The following KDM4B variants were observed in gnomAD, a reference collection of about 807,000 sequenced individuals.
The protein encoded by KDM4B is lysine demethylase 4B, also known as lysine-specific demethylase 4B.
KDM4B carries 32 observed loss-of-function variants against 125.2 expected under a neutral mutation model. That is an observed-to-expected ratio of 0.26 (90% CI 0.19 to 0.34). The LOEUF is 0.34. Ranked by LOEUF, KDM4B falls within the 10% of genes least tolerant of loss-of-function variation. The probability of loss-of-function intolerance (pLI) is 1.00; values close to 1 mark genes in which losing one functional copy is unlikely to be tolerated. For synonymous variants in KDM4B, 721 were observed against 677.9 expected (o/e 1.06, Z -0.99); for missense variants, 1,190 against 1,577.7 (o/e 0.75, Z 4.16).
At chr19:5,061,051 G>T (rs1447605514) in intron 6 of KDM4B, among the ~76,000 whole-genome samples, 4 of 152,212 alleles carry the variant, frequency 2.6e-5, no homozygotes, top group Non-Finnish European at 5.9e-5. Context: ...CGGATCCTCA[G>T]GGTGCTGACC....
chr19:4,976,242 T>A, intron 1 of KDM4B, among the ~76,000 whole-genome samples: 1 of 117,018 alleles, frequency 8.5e-6, no homozygotes. Context: ...AGAGGGAAAC[T>A]CAGTCTCAAA....
At chr19:5,014,994 CAA>C (rs772116720) in intron 1 of KDM4B, among the ~76,000 whole-genome samples, 11 of 103,370 alleles carry the variant, frequency 1.1e-4, no homozygotes, top group Non-Finnish European at 8.2e-5. Context: ...GAGTCCGTCT[CAA>C]AAAAAAAAAA....
At chr19:5,090,149 C>T (rs1053487976) in intron 9 of KDM4B, among the ~76,000 whole-genome samples, 18 of 152,188 alleles carry the variant, frequency 1.2e-4, no homozygotes, top group South Asian at 4.1e-4. Context: ...CATTGCTGAG[C>T]GCCTGCCGTG....
At chr19:5,069,660 C>G (rs1436361188) in intron 6 of KDM4B, among the ~76,000 whole-genome samples, 1 of 152,146 alleles carries the variant, frequency 6.6e-6, no homozygotes, top group East Asian at 1.9e-4. Flanking sequence ...CTCGCCCAGG[C>G]TGGAGTGCAG....
chr19:5,150,964 CTCTT>C (rs1431352076), intron 22 of KDM4B, among the ~76,000 whole-genome samples: 1 of 152,232 alleles, frequency 6.6e-6, no homozygotes, highest in Non-Finnish European at 1.5e-5. Flanking sequence ...TTCCTTTATT[CTCTT>C]TCTAATCGAG....
chr19:4,976,585 T>G lies in KDM4B; in HGVS notation c.-109+7355T>G, dbSNP rs188799903. On this transcript the variant is annotated intron_variant, in intron 1 of 22. Transcript: ENST00000159111. The stretch of plus-strand genomic sequence containing the variant: ...TGCACAATTTCACAAGGCTTTTGTT[T>G]TGTAAGCATCGGAACTCTCCTCGTT... 2.0e-5 allele frequency among the ~76,000 whole-genome samples: 3 copies of G among 152,372 alleles called. No individual in the cohort carries two copies. In the East Asian group the frequency reaches 5.8e-4, roughly 29 times the overall value.
At chr19:5,047,744 C>A in intron 6 of KDM4B, 75 bp downstream of exon 6, 2 of 1,474,496 alleles carry the variant, frequency 1.4e-6, no homozygotes, top group Non-Finnish European at 9.3e-7. Context: ...GGGTACACGG[C>A]TGGGCGCCGT....
At chr19:5,059,587 G>A (rs763336025) in intron 6 of KDM4B, among the ~76,000 whole-genome samples, 11 of 152,212 alleles carry the variant, frequency 7.2e-5, no homozygotes, top group Admixed American at 3.9e-4. Context: ...GAACAGGAGC[G>A]CGTAGCCTCA....
At chr19:5,037,963 C>T (rs2036682977) in intron 3 of KDM4B, among the ~76,000 whole-genome samples, 1 of 152,268 alleles carries the variant, frequency 6.6e-6, no homozygotes, top group South Asian at 2.1e-4. Context: ...CCAAGCAAAA[C>T]AGTTTCTTCA....
At chr19:5,119,578 G>A (rs748574788) in intron 10 of KDM4B, 75 bp from the exon 11 acceptor site, 2 of 1,406,384 alleles carry the variant, frequency 1.4e-6, no homozygotes, top group Non-Finnish European at 2.0e-6. Flanking sequence ...GCTGCGTGCT[G>A]CCGGACAGAG....
rs2039322635 is a variant in KDM4B at position 5,119,591 on chromosome 19, C to T, written c.1116-62C>T. 2.1e-6 allele frequency: 3 copies of T among 1,463,094 alleles called. No homozygotes were observed. The Admixed American group carries it at 5.9e-5, about 29-fold the overall frequency. 90.6% of individuals were successfully genotyped at this position (1,463,094 alleles called of 1,614,324 possible). On this transcript the variant is annotated intron_variant, in intron 10 of 22. Transcript: ENST00000159111. ...GGGCTGCGTGCTGCCGGACAGAGTG[C>T]ACAGACCTAGGGCTCTTCCCTCCCT...
chr19:5,082,594 C>G lies in KDM4B; in HGVS notation c.918+90C>G. Reference sequence around the variant, plus strand: ...AGCCACACGCCCATAGCTGGTCCAGCAGCCGTTTCGCTCAGCCCAGGGCCT... The same window carrying G: ...AGCCACACGCCCATAGCTGGTCCAGGAGCCGTTTCGCTCAGCCCAGGGCCT... On this transcript the variant is annotated intron_variant, in intron 9 of 22. Transcript: ENST00000159111. This position sits in a 1 kb window ranked among gnomAD's most constrained non-coding sequence, Gnocchi z 5.4. 1.4e-6 allele frequency: 2 copies of G among 1,417,900 alleles called. No homozygotes were observed. The highest frequency in any genetic ancestry group is 1.9e-6 in the Non-Finnish European group (2 of 1,061,840). 87.8% of individuals were successfully genotyped at this position (1,417,900 alleles called of 1,614,324 possible).
intron 2 of KDM4B, among the ~76,000 whole-genome samples, chr19:5,030,707 C>T (rs2036424235): frequency 2.6e-5 from 4 of 152,218 alleles, no homozygotes; most frequent in Non-Finnish European, 5.9e-5. Flanking sequence ...CAGCTGTGTG[C>T]CGTGTGGCCT....
intron 2 of KDM4B, among the ~76,000 whole-genome samples, chr19:5,028,744 G>A (rs181012196): frequency 9.8e-5 from 15 of 152,290 alleles, no homozygotes; most frequent in African/African-American, 3.1e-4. Flanking sequence ...CAGTGTCACC[G>A]TCTGTCATTC....
At chr19:5,098,222 G>T (rs960711612) in intron 9 of KDM4B, among the ~76,000 whole-genome samples, 1 of 152,140 alleles carries the variant, frequency 6.6e-6, no homozygotes, top group Non-Finnish European at 1.5e-5. Flanking sequence ...TCTGGGGAGC[G>T]GATTTCTTTT....
At position 5,142,226 on chromosome 19, in the gene KDM4B, A is replaced by G. The variant is rs985725264; in HGVS notation, c.2551-1741A>G. Among the ~76,000 whole-genome samples, 2 of 151,786 alleles carry G rather than the reference A, an allele frequency of 1.3e-5. No individual in the cohort carries two copies. The highest frequency in any genetic ancestry group is 4.8e-5 in the African/African-American group (2 of 41,326). ...GTGCCTGGGCCCTTCCAGGCCCCCC[A>G]CGGGCCGTAGACCCTGACTCCCCGG... is the stretch of plus-strand genomic sequence containing the variant. On this transcript the variant is annotated intron_variant, in intron 18 of 22. Coordinates refer to ENST00000159111, the MANE Select transcript of KDM4B (RefSeq NM_015015.3). The surrounding 1 kb of genome is among the most constrained non-coding windows in gnomAD (Gnocchi z 5.4).
At chr19:5,089,962 G>A (rs1317658596) in intron 9 of KDM4B, among the ~76,000 whole-genome samples, 1 of 152,170 alleles carries the variant, frequency 6.6e-6, no homozygotes, top group Non-Finnish European at 1.5e-5. Flanking sequence ...TGATTCCAGA[G>A]GTTCAAGACC....
intron 21 of KDM4B, among the ~76,000 whole-genome samples, chr19:5,148,820 C>G (rs916988781): frequency 1.3e-5 from 2 of 152,366 alleles, no homozygotes; most frequent in Admixed American, 6.5e-5. Flanking sequence ...CCTCACCGGA[C>G]AGACGCTGGG....
rs750881612 is a variant in KDM4B, at chr19:5,111,442, G to A, written c.1115+624G>A. ...TATCTGGTGTCCGCCTGGAGGAGAG[G>A]CCAAAGCATCTGCAGCCTCTTGGCT... On this transcript the variant is annotated intron_variant, in intron 10 of 22. Transcript: ENST00000159111. 3 of 765,308 alleles carry A rather than the reference G, an allele frequency of 3.9e-6. No homozygotes were observed. The South Asian group carries it at 4.0e-5, about 10-fold the overall frequency. The allele number at this position is 765,308 out of a possible 1,614,324, so 47.4% of individuals were successfully genotyped here. A position where few individuals can be genotyped will look rare whatever the true frequency, so the allele number is the denominator to read the frequency against.
Sources: allele counts gnomAD v4.1 joint callset (sites outside exome capture counted in the v4.1 genomes callset), GRCh38; gene constraint gnomAD v4.1.1; non-coding constraint Gnocchi (gnomAD v3.1); transcripts MANE v1.5; gene names NCBI Gene and HGNC (gene_info 2026-07-23, HGNC 2026-07-21).